The following AIMP2 variants were observed in gnomAD, a reference collection of about 807,000 sequenced individuals.
The protein encoded by AIMP2 is aminoacyl tRNA synthase complex-interacting multifunctional protein 2.
AIMP2 carries 20 observed loss-of-function variants against 23.4 expected under a neutral mutation model. The observed-to-expected ratio is 0.85, with a 90% CI of 0.60 to 1.24. AIMP2 has a LOEUF of 1.24. Ranked by LOEUF, AIMP2 falls within the 50% of genes most tolerant of loss-of-function variation. AIMP2 has a pLI of 0.00. For missense variants in AIMP2, 515 were observed against 414.5 expected (o/e 1.24, Z -2.10); for synonymous variants, 210 against 170.4 (o/e 1.23, Z -1.81).
In AIMP2 at chr7:6,015,317, A is replaced by G; in HGVS notation, c.307A>G (p.Thr103Ala). Reference sequence around the variant, plus strand: ...AGCGGATGAGCCCACGACTTTAACCACCAATGCGCTGGACTTGAATTCAGT... The same window carrying G: ...AGCGGATGAGCCCACGACTTTAACCGCCAATGCGCTGGACTTGAATTCAGT... ...IQADEPTTLT[T>A]NALDLNSVLG... Residue 103 changes from threonine to alanine, a missense_variant, in exon 2 of 4, where the codon ACC becomes GCC. Thr to Ala is a moderately conservative substitution (Grantham distance 58). Transcript: ENST00000223029. The G allele has an allele frequency of 6.2e-7, 1 of 1,614,172 alleles. No individual in the cohort carries two copies. Among genetic ancestry groups the G allele is most frequent in the Non-Finnish European group, 8.5e-7 (1 of 1,180,030 alleles).
intron 1 of AIMP2, among the ~76,000 whole-genome samples, chr7:6,010,203 T>G (rs981164417): frequency 7.3e-5 from 11 of 151,628 alleles, no homozygotes; most frequent in African/African-American, 2.7e-4. Flanking sequence ...CTTAAACATT[T>G]TGGTTCAGAG....
At chr7:6,018,792 C>T (rs1359747307) in intron 3 of AIMP2, among the ~76,000 whole-genome samples, 1 of 151,670 alleles carries the variant, frequency 6.6e-6, no homozygotes, top group East Asian at 2.0e-4. Flanking sequence ...CAAGATCACG[C>T]CATTGTATTC....
In AIMP2 at chr7:6,023,230, C is replaced by T. The variant is rs534480277; in HGVS notation, c.575-73C>T. On this transcript the variant is annotated intron_variant, in intron 3 of 3. Coordinates refer to ENST00000223029, the MANE Select transcript of AIMP2 (RefSeq NM_006303.4). ...CAGTCTGTGGTGTTTGGTGACTGTC[C>T]CCTTCCCCACTGTGCGAGTACTTCC... The T allele has an allele frequency of 1.2e-5, 18 of 1,489,224 alleles. No individual in the cohort carries two copies. In the South Asian group the frequency reaches 2.0e-4, roughly 17 times the overall value. The allele number at this position is 1,489,224 out of a possible 1,614,324, so 92.3% of individuals were successfully genotyped here.
Position 6,015,886 on chromosome 7 carries a change from C to T in AIMP2, c.342+534C>T, listed in dbSNP as rs769049335. 3.3e-5 allele frequency among the ~76,000 whole-genome samples: 5 copies of T among 152,234 alleles called. No homozygotes were observed. The South Asian group carries it at 6.2e-4, about 19-fold the overall frequency. ...AGCCTCCTCTTGACTTCTCAGAGCA[C>T]GTAGAGGACAGGGAGGATCTGTAGG... On this transcript the variant is annotated intron_variant, in intron 2 of 3. Transcript: ENST00000223029.
intron 1 of AIMP2, among the ~76,000 whole-genome samples, chr7:6,013,869 TG>T (rs2128877382): frequency 1.3e-5 from 2 of 151,958 alleles, no homozygotes; most frequent in South Asian, 4.2e-4. Flanking sequence ...GAGGATCACT[TG>T]AGCCCAGGAA....
At chr7:6,020,515 G>A (rs1787327960) in intron 3 of AIMP2, among the ~76,000 whole-genome samples, 1 of 152,232 alleles carries the variant, frequency 6.6e-6, no homozygotes. Flanking sequence ...AAAAAGCAAA[G>A]TCATTATATG....
chr7:6,013,604 G>T (rs1209030165), intron 1 of AIMP2, among the ~76,000 whole-genome samples: 1 of 152,014 alleles, frequency 6.6e-6, no homozygotes, highest in African/African-American at 2.4e-5. Flanking sequence ...CTTAAAGGAT[G>T]GTTTGCAGGG....
rs1263326744 is a variant in AIMP2, at chr7:6,023,292, T to C, written c.575-11T>C. On this transcript the variant is annotated splice_polypyrimidine_tract_variant and intron_variant, in intron 3 of 3. Transcript: ENST00000223029. Reference sequence around the variant, plus strand: ...TCTGGTGATGCTACCTGGCGTGTTTTTTCTTTTCAGTGCCGAAGACGCAGA... The same window carrying C: ...TCTGGTGATGCTACCTGGCGTGTTTCTTCTTTTCAGTGCCGAAGACGCAGA... 6.3e-7 allele frequency: 1 copy of C among 1,578,672 alleles called. No individual in the cohort carries two copies. The highest frequency in any genetic ancestry group is 8.6e-7 in the Non-Finnish European group (1 of 1,165,922).
At chr7:6,022,305 C>G (rs972605730) in intron 3 of AIMP2, 2 of 152,086 alleles carry the variant, frequency 1.3e-5, no homozygotes, top group African/African-American at 4.8e-5. Context: ...ATATACAGAC[C>G]ATACAAAACG....
chr7:6,009,964 A>ATATACAT (rs1554310799), intron 1 of AIMP2, among the ~76,000 whole-genome samples: 1 of 42,958 alleles, frequency 2.3e-5, no homozygotes, highest in Non-Finnish European at 4.7e-5. Context: ...AAAAAAAAAA[A>ATATACAT]AAAAAAAAAA....
In AIMP2 at chr7:6,009,510, G is replaced by A. The variant is rs865834861; in HGVS notation, c.135+12G>A. 1 of 1,502,696 alleles carries A rather than the reference G, an allele frequency of 6.7e-7. No homozygotes were observed. The highest frequency in any genetic ancestry group is 8.8e-7 in the Non-Finnish European group (1 of 1,134,044). The allele number at this position is 1,502,696 out of a possible 1,614,324, so 93.1% of individuals were successfully genotyped here. ...CTGGCCACGTGCAGGTAGGAGCGCG[G>A]GGCCCCCCGCCCAGTGCGCACGCGC... is the stretch of plus-strand genomic sequence containing the variant. On this transcript the variant is annotated intron_variant, in intron 1 of 3. Coordinates refer to ENST00000223029, the MANE Select transcript of AIMP2 (RefSeq NM_006303.4).
At chr7:6,018,783 A>C (rs150513647) in intron 3 of AIMP2, among the ~76,000 whole-genome samples, 3,806 of 151,986 alleles carry the variant, frequency 0.025, 142 homozygotes, top group African/African-American at 0.085. Flanking sequence ...GCAGTGAGCC[A>C]AGATCACGCC....
Position 6,015,208 on chromosome 7 carries a change from G to A in AIMP2, c.198G>A (p.Leu66=), listed in dbSNP as rs772717015. 2 of 1,614,194 alleles carry A rather than the reference G, an allele frequency of 1.2e-6. No homozygotes were observed. The highest frequency in any genetic ancestry group is 2.2e-5 in the East Asian group (1 of 44,886). ...GCCAAGATGATATTTTAAAACGTCT[G>A]TATGAGTTGAAAGCTGCAGTTGATG... ...ESRQDDILKR[L]YELKAAVDGL... is the part of the protein sequence containing the mutation. The change falls in exon 2 of 4, where the codon CTG becomes CTA. Residue 66 remains leucine, a synonymous_variant. Transcript: ENST00000223029.
chr7:6,015,970 T>C (rs976124421), intron 2 of AIMP2, among the ~76,000 whole-genome samples: 6 of 152,116 alleles, frequency 3.9e-5, no homozygotes, highest in Non-Finnish European at 8.8e-5. Context: ...GTCCAGCAGC[T>C]TCTGAGCCCT....
intron 3 of AIMP2, among the ~76,000 whole-genome samples, chr7:6,018,996 A>AC (rs1787215163): frequency 5.2e-5 from 6 of 115,460 alleles, no homozygotes; most frequent in Non-Finnish European, 7.4e-5. Context: ...CACACAATAC[A>AC]TGGCACCACT....
chr7:6,023,435 G>A lies in AIMP2; in HGVS notation c.707G>A (p.Trp236Ter). 1.2e-6 allele frequency: 2 copies of A among 1,614,208 alleles called. No homozygotes were observed. The highest frequency in any genetic ancestry group is 1.7e-6 in the Non-Finnish European group (2 of 1,180,030). The part of the protein sequence containing the change: ...NAVNATLIDS[W>*]VDIAIFQLKE... ...GTCAACGCAACCCTTATAGATAGCT[G>A]GGTAGATATTGCGATTTTTCAGTTA... The change falls in exon 4 of 4, where the codon TGG becomes TAG. Residue 236 changes from tryptophan (W) to a stop codon, truncating the protein, a stop_gained. Transcript: ENST00000223029. LOFTEE classifies it high-confidence loss of function.
At chr7:6,009,974 A>AAAAAAAATATATATATATAT in intron 1 of AIMP2, among the ~76,000 whole-genome samples, 6 of 26,668 alleles carry the variant, frequency 2.2e-4, no homozygotes, top group Admixed American at 4.1e-4. Flanking sequence ...AAAAAAAAAA[A>AAAAAAAATATATATATATAT]ATATATATAT....
intron 3 of AIMP2, among the ~76,000 whole-genome samples, chr7:6,018,369 C>G (rs1244631050): frequency 6.7e-6 from 1 of 150,326 alleles, no homozygotes; most frequent in Non-Finnish European, 1.5e-5. Flanking sequence ...AGGCTGGTCT[C>G]AAACTCCTGA....
chr7:6,013,681 G>A (rs550693276), intron 1 of AIMP2, among the ~76,000 whole-genome samples: 29 of 152,290 alleles, frequency 1.9e-4, no homozygotes, highest in African/African-American at 7.0e-4. Flanking sequence ...ACGTGTGGTG[G>A]CTCACGGCTG....
Sources: gnomAD v4.1 joint callset for allele counts (sites outside exome capture counted in the v4.1 genomes callset) on GRCh38, gnomAD v4.1.1 for gene constraint, MANE v1.5 for transcripts, NCBI Gene and HGNC (gene_info 2026-07-23, HGNC 2026-07-21) for gene names.